Variants in CSMD3 observed in about 807,000 individuals in gnomAD.
CSMD3 encodes the protein CUB and Sushi multiple domains 3, also known as CUB and sushi domain-containing protein 3.
A neutral mutation model predicts 435.2 loss-of-function variants in CSMD3; 177 were observed. That is an observed-to-expected ratio of 0.41 (90% CI 0.36 to 0.46). The LOEUF (loss-of-function observed/expected upper bound fraction) is 0.46. Among genes scored for constraint, CSMD3 ranks in the 20% least tolerant of loss-of-function variants. The pLI, the probability that CSMD3 is intolerant of heterozygous loss-of-function variation, is 0.34. For synonymous variants in CSMD3, 1,656 were observed against 1,520.5 expected (o/e 1.09, Z -2.07); for missense variants, 4,265 against 4,504.6 (o/e 0.95, Z 1.52).
intron 12 of CSMD3, among the ~76,000 whole-genome samples, chr8:112,826,990 AT>A (rs1172606369): frequency 6.6e-6 from 1 of 151,542 alleles, no homozygotes; most frequent in African/African-American, 2.4e-5. Flanking sequence ...TTTTTCTAAC[AT>A]TGAAATAGGG....
At chr8:112,356,931 T>C (rs561260662) in intron 38 of CSMD3, among the ~76,000 whole-genome samples, 113 of 152,212 alleles carry the variant, frequency 7.4e-4, no homozygotes, top group African/African-American at 2.6e-3. Context: ...ATCAGCAGCA[T>C]GAAAACTGAC....
chr8:112,612,119 AG>A (rs1158150034), intron 22 of CSMD3, among the ~76,000 whole-genome samples: 1 of 152,196 alleles, frequency 6.6e-6, no homozygotes. Context: ...GAACCTAATC[AG>A]GTTTTAAAAG....
At chr8:112,261,608 GACA>G (rs1345934885) in intron 61 of CSMD3, among the ~76,000 whole-genome samples, 1 of 151,910 alleles carries the variant, frequency 6.6e-6, no homozygotes, top group African/African-American at 2.4e-5. Flanking sequence ...AAAGAATGCT[GACA>G]ACAATATTCT....
At chr8:112,788,594 T>C (rs1463149714) in intron 13 of CSMD3, among the ~76,000 whole-genome samples, 3 of 152,174 alleles carry the variant, frequency 2.0e-5, no homozygotes, top group Non-Finnish European at 1.5e-5. Flanking sequence ...TTTTTAAGTA[T>C]CAGTCTTTGT....
At chr8:113,040,102 G>GA (rs2087541848) in intron 5 of CSMD3, among the ~76,000 whole-genome samples, 1 of 152,156 alleles carries the variant, frequency 6.6e-6, no homozygotes, top group African/African-American at 2.4e-5. Context: ...TTAGAGGTCT[G>GA]AGAAAGACCT....
chr8:112,990,420 C>T (rs956866523), intron 6 of CSMD3, among the ~76,000 whole-genome samples: 3 of 151,690 alleles, frequency 2.0e-5, no homozygotes, highest in Admixed American at 6.6e-5. Flanking sequence ...CTTTCACAAG[C>T]CATGTTTAAC....
At chr8:112,433,071 G>T (rs899144853) in intron 32 of CSMD3, among the ~76,000 whole-genome samples, 2 of 152,026 alleles carry the variant, frequency 1.3e-5, no homozygotes, top group Non-Finnish European at 2.9e-5. Context: ...GAACAGAAAA[G>T]AAACTGTGAC....
intron 67 of CSMD3, among the ~76,000 whole-genome samples, chr8:112,236,374 T>A (rs1813600311): frequency 6.6e-6 from 1 of 152,084 alleles, no homozygotes; most frequent in African/African-American, 2.4e-5. Context: ...AGGCCTATTT[T>A]GTTTCAGATG....
At chr8:112,400,959 T>G (rs1333464826) in intron 35 of CSMD3, among the ~76,000 whole-genome samples, 1 of 152,066 alleles carries the variant, frequency 6.6e-6, no homozygotes, top group African/African-American at 2.4e-5. Context: ...GTAATCCCAG[T>G]ACTTTGGGAG....
At chr8:112,848,624 T>A (rs1001432532) in intron 11 of CSMD3, among the ~76,000 whole-genome samples, 4 of 152,064 alleles carry the variant, frequency 2.6e-5, no homozygotes, top group African/African-American at 9.7e-5. Context: ...TACAAGGTAG[T>A]TTCCAATGTA....
At chr8:113,067,232 G>C (rs932841656) in intron 5 of CSMD3, among the ~76,000 whole-genome samples, 3 of 152,068 alleles carry the variant, frequency 2.0e-5, no homozygotes, top group Non-Finnish European at 4.4e-5. Flanking sequence ...TCCAGTCTCA[G>C]TTCTTTATAG....
At chr8:113,347,373 C>T (rs1229295627) in intron 1 of CSMD3, among the ~76,000 whole-genome samples, 7 of 152,060 alleles carry the variant, frequency 4.6e-5, no homozygotes, top group Non-Finnish European at 1.0e-4. Context: ...TTCCTTTAGG[C>T]CTGGAGTCAC....
intron 70 of CSMD3, among the ~76,000 whole-genome samples, 173 bp downstream of exon 70, chr8:112,228,583 T>C (rs1389042026): frequency 1.3e-5 from 2 of 152,206 alleles, no homozygotes; most frequent in Non-Finnish European, 2.9e-5. Context: ...GTATGTAATG[T>C]TGCAGGGGTG....
chr8:113,104,435 G>C (rs928144009), intron 4 of CSMD3, among the ~76,000 whole-genome samples: 5 of 152,014 alleles, frequency 3.3e-5, no homozygotes, highest in Admixed American at 3.3e-4. Flanking sequence ...TCATTAATTA[G>C]CCATCTTATT....
intron 1 of CSMD3, among the ~76,000 whole-genome samples, chr8:113,398,027 A>C (rs2133188490): frequency 6.6e-6 from 1 of 152,204 alleles, no homozygotes; most frequent in East Asian, 1.9e-4. Flanking sequence ...TGTGAACATT[A>C]AGTGAGTTTG....
At chr8:113,209,246 T>C (rs566414154) in intron 3 of CSMD3, among the ~76,000 whole-genome samples, 1 of 152,304 alleles carries the variant, frequency 6.6e-6, no homozygotes, top group East Asian at 1.9e-4. Context: ...TTTTTACTCA[T>C]GATACAGTGG....
intron 3 of CSMD3, among the ~76,000 whole-genome samples, chr8:113,195,225 GC>G (rs2092637415): frequency 7.0e-6 from 1 of 143,720 alleles, no homozygotes; most frequent in African/African-American, 2.6e-5. Context: ...CCTATTCCAA[GC>G]TTTTTTTTTT....
chr8:113,137,043 T>C (rs529721208), intron 4 of CSMD3, among the ~76,000 whole-genome samples: 1 of 151,636 alleles, frequency 6.6e-6, no homozygotes, highest in Admixed American at 6.6e-5. Flanking sequence ...TATTAAGATA[T>C]ACCTAAGCAA....
At chr8:112,852,334 TTTTTG>T (rs1281316594) in intron 11 of CSMD3, among the ~76,000 whole-genome samples, 1 of 152,176 alleles carries the variant, frequency 6.6e-6, no homozygotes, top group Non-Finnish European at 1.5e-5. Flanking sequence ...AATTTGGATT[TTTTTG>T]TTTTCCTGCA....
Sources: gnomAD v4.1 joint callset for allele counts (sites outside exome capture counted in the v4.1 genomes callset) on GRCh38, gnomAD v4.1.1 for gene constraint, MANE v1.5 for transcripts, NCBI Gene and HGNC (gene_info 2026-07-23, HGNC 2026-07-21) for gene names.